ADGRE1: variants seen among roughly 807,000 people sequenced by gnomAD.
ADGRE1 encodes adhesion G protein-coupled receptor E1.
ADGRE1 carries 82 observed loss-of-function variants against 102.7 expected under a neutral mutation model. That is an observed-to-expected ratio of 0.80 (90% confidence interval 0.67 to 0.96). The LOEUF (loss-of-function observed/expected upper bound fraction) is 0.96. Ranked by LOEUF, ADGRE1 falls within the 40% of genes least tolerant of loss-of-function variation. The pLI, the probability that ADGRE1 is intolerant of heterozygous loss-of-function variation, is 0.00. For synonymous variants in ADGRE1, 398 were observed against 399.6 expected (o/e 1.00, Z 0.05); for missense variants, 1,032 against 1,085.3 (o/e 0.95, Z 0.69).
At chr19:6,928,895 C>T (rs1036238630) in intron 17 of ADGRE1, among the ~76,000 whole-genome samples, 7 of 151,076 alleles carry the variant, frequency 4.6e-5, no homozygotes, top group Non-Finnish European at 1.0e-4. Flanking sequence ...GCCGAGATTG[C>T]GCCATTGCAC....
At position 6,901,920 on chromosome 19, in the gene ADGRE1, C is replaced by G; in HGVS notation, c.560C>G (p.Thr187Ser). 6.2e-7 allele frequency: 1 copy of G among 1,614,202 alleles called. No individual in the cohort carries two copies. The highest frequency in any genetic ancestry group is 8.5e-7 in the Non-Finnish European group (1 of 1,180,036). The change falls in exon 6 of 21, where the codon ACT (threonine) becomes AGT (serine). Residue 187 changes from threonine to serine, a missense_variant. Transcript: ENST00000312053. ...ADPRACPEHA[T>S]CNNTVGNYSC... The stretch of plus-strand genomic sequence containing the variant: ...CCAAGAGCTTGCCCAGAGCATGCAA[C>G]TTGTAATAACACTGTTGGAAACTAC...
rs143533366 is a variant in ADGRE1, at chr19:6,921,644, G to C, written c.1621-69G>C. 1.6e-4 allele frequency: 237 copies of C among 1,458,886 alleles called. 2 individuals carry two copies. The East Asian group carries it at 4.4e-3, about 27-fold the overall frequency. 90.4% of individuals were successfully genotyped at this position (1,458,886 alleles called of 1,614,324 possible). A position where few individuals can be genotyped will look rare whatever the true frequency, so the allele number is the denominator to read the frequency against. Reference sequence around the variant, plus strand: ...TTGTTCCCAGTGACTCTTGAGGATGGTCACATTTAATCCATTTGATGGGGA... The same window carrying C: ...TTGTTCCCAGTGACTCTTGAGGATGCTCACATTTAATCCATTTGATGGGGA... On this transcript the variant is annotated intron_variant, in intron 13 of 20. Transcript: ENST00000312053.
At chr19:6,898,373 G>A in intron 5 of ADGRE1, 1 of 1,599,826 alleles carries the variant, frequency 6.3e-7, no homozygotes, top group Non-Finnish European at 8.6e-7. Context: ...AACATGTCAG[G>A]GAGGTACAAG....
chr19:6,897,550 A>G lies in ADGRE1; in HGVS notation c.514+3A>G. 1 of 1,539,576 alleles carries G rather than the reference A, an allele frequency of 6.5e-7. No individual in the cohort carries two copies. On this transcript the variant is annotated splice_donor_region_variant and intron_variant, in intron 5 of 20. Coordinates refer to ENST00000312053, the MANE Select transcript of ADGRE1 (RefSeq NM_001974.5). ...CTCTAGAAACTCCACCTGTGAAGGTATCCATGACCATCTCTTTATTATTTA... is the reference window on the plus strand; with the variant it reads ...CTCTAGAAACTCCACCTGTGAAGGTGTCCATGACCATCTCTTTATTATTTA...
intron 16 of ADGRE1, among the ~76,000 whole-genome samples, chr19:6,926,902 G>C (rs751940461): frequency 6.6e-6 from 1 of 151,920 alleles, no homozygotes; most frequent in Non-Finnish European, 1.5e-5. Flanking sequence ...GGTGAAAGTG[G>C]GAAAGGAATA....
At chr19:6,906,565 A>C in intron 9 of ADGRE1, 44 bp downstream of exon 9, 1 of 1,567,972 alleles carries the variant, frequency 6.4e-7, no homozygotes, top group South Asian at 1.1e-5. Flanking sequence ...TTTTCTTAGA[A>C]GCCATTTAGG....
At chr19:6,900,062 C>G (rs1267678712) in intron 5 of ADGRE1, among the ~76,000 whole-genome samples, 1 of 151,108 alleles carries the variant, frequency 6.6e-6, no homozygotes, top group Non-Finnish European at 1.5e-5. Context: ...CCACTGCGCT[C>G]CAGCCTGGGT....
chr19:6,934,050 T>C (rs1975279201), intron 17 of ADGRE1, among the ~76,000 whole-genome samples: 1 of 152,156 alleles, frequency 6.6e-6, no homozygotes, highest in African/African-American at 2.4e-5. Flanking sequence ...CCGAGATTTC[T>C]GTAGTCCAGT....
In ADGRE1 at chr19:6,905,350, G is replaced by T. The variant is rs868585579; in HGVS notation, c.950-1083G>T. ...GTGACAGAGTGAGACCCTGTCTTTT[G>T]TTTTTTTTTCTTTTTTTTTTTTTAT... On this transcript the variant is annotated intron_variant, in intron 8 of 20. Transcript: ENST00000312053. Among the ~76,000 whole-genome samples the T allele has an allele frequency of 2.5e-3, 337 of 132,330 alleles. 1 individual carries two copies. The highest frequency in any genetic ancestry group is 8.6e-3 in the Admixed American group (115 of 13,324). 86.8% of individuals were successfully genotyped at this position (132,330 alleles called of 152,430 possible). A position where few individuals can be genotyped will look rare whatever the true frequency, so the allele number is the denominator to read the frequency against.
At chr19:6,912,128 A>G (rs994815750) in intron 10 of ADGRE1, among the ~76,000 whole-genome samples, 34 of 152,010 alleles carry the variant, frequency 2.2e-4, no homozygotes, top group Admixed American at 1.6e-3. Flanking sequence ...ACACAAACAC[A>G]CATACATACA....
intron 5 of ADGRE1, chr19:6,898,587 T>C: frequency 2.0e-6 from 3 of 1,485,036 alleles, no homozygotes; most frequent in South Asian, 2.4e-5. Flanking sequence ...GCTTTGCAAA[T>C]ATCAGTGAGT....
chr19:6,897,121 A>G lies in ADGRE1; in HGVS notation c.239-28A>G, dbSNP rs35463230. The G allele has an allele frequency of 1.6e-3, 2,461 of 1,556,504 alleles. 3 individuals carry two copies. Among genetic ancestry groups the G allele is most frequent in the Non-Finnish European group, 1.9e-3 (2,129 of 1,143,682 alleles). On this transcript the variant is annotated intron_variant, in intron 3 of 20. Transcript: ENST00000312053. ...ATACAGTCTTCTATCTAGTATAAGT[A>G]AATTTGTAACTCCAATTCTCTGTCT...
chr19:6,940,211 T>C lies in ADGRE1; in HGVS notation c.*182T>C. The C allele has an allele frequency of 4.5e-6, 3 of 665,032 alleles. No homozygotes were observed. The highest frequency in any genetic ancestry group is 7.7e-6 in the Non-Finnish European group (3 of 390,574). The allele number at this position is 665,032 out of a possible 1,614,324, so 41.2% of individuals were successfully genotyped here. A position where few individuals can be genotyped will look rare whatever the true frequency, so the allele number is the denominator to read the frequency against. On this transcript the variant is annotated 3_prime_UTR_variant, in exon 21 of 21. Coordinates refer to ENST00000312053, the MANE Select transcript of ADGRE1 (RefSeq NM_001974.5). ...TGTGGTTGTATGCACTGATGAGAAATCAGGCGTTTCTGCTCCAAACGACCA... is the reference window on the plus strand; with the variant it reads ...TGTGGTTGTATGCACTGATGAGAAACCAGGCGTTTCTGCTCCAAACGACCA...
intron 17 of ADGRE1, among the ~76,000 whole-genome samples, chr19:6,934,188 C>T (rs1261240183): frequency 5.9e-5 from 9 of 152,108 alleles, no homozygotes; most frequent in East Asian, 1.9e-4. Flanking sequence ...GGCTGTTGCA[C>T]GGATGGGCAA....
chr19:6,924,880 T>A lies in ADGRE1; in HGVS notation c.1986+8T>A, dbSNP rs1236919255. The A allele has an allele frequency of 1.2e-6, 2 of 1,613,510 alleles. No homozygotes were observed. The highest frequency in any genetic ancestry group is 2.2e-5 in the East Asian group (1 of 44,862). ...CACAAGACTGACAACAAGGTCTACA[T>A]CGCTCGGGCTGTGTCCCCACCAAGC... On this transcript the variant is annotated splice_region_variant and intron_variant, in intron 15 of 20. Transcript: ENST00000312053.
At chr19:6,898,377 G>A (rs1973648050) in intron 5 of ADGRE1, 1 of 1,600,318 alleles carries the variant, frequency 6.2e-7, no homozygotes, top group Admixed American at 1.7e-5. Context: ...TGTCAGGGAG[G>A]TACAAGTGCA....
intron 20 of ADGRE1, among the ~76,000 whole-genome samples, chr19:6,939,791 C>T (rs1458282970): frequency 6.6e-6 from 1 of 152,188 alleles, no homozygotes; most frequent in Admixed American, 6.5e-5. Context: ...AGCTGTTTGG[C>T]TTCCTAAAGT....
intron 11 of ADGRE1, among the ~76,000 whole-genome samples, chr19:6,915,024 G>C (rs1262800313): frequency 6.7e-6 from 1 of 148,768 alleles, no homozygotes; most frequent in Admixed American, 6.7e-5. Context: ...TTTTTTTCTT[G>C]AGACAGGTTC....
At chr19:6,888,347 A>G (rs1973224003) in intron 1 of ADGRE1, among the ~76,000 whole-genome samples, 1 of 152,220 alleles carries the variant, frequency 6.6e-6, no homozygotes, top group South Asian at 2.1e-4. Context: ...GTTCGAGCTG[A>G]GTCCTGAAGG....
Sources: gnomAD v4.1 joint callset for allele counts (sites outside exome capture counted in the v4.1 genomes callset) on GRCh38, gnomAD v4.1.1 for gene constraint, MANE v1.5 for transcripts, NCBI Gene and HGNC (gene_info 2026-07-23, HGNC 2026-07-21) for gene names.